The following TMEM17 variants were observed in gnomAD, a reference collection of about 807,000 sequenced individuals.
TMEM17 encodes the protein transmembrane protein 17.
TMEM17 carries 15 observed loss-of-function variants against 19.1 expected under a neutral mutation model. The ratio of observed to expected loss-of-function variants is 0.78; its 90% CI spans 0.52 to 1.21. The LOEUF (loss-of-function observed/expected upper bound fraction) is 1.21. TMEM17 is among the 50% of genes most tolerant of loss of function. TMEM17 has a pLI of 0.00. For synonymous variants in TMEM17, 103 were observed against 86.9 expected (o/e 1.19, Z -1.03); for missense variants, 245 against 242.3 (o/e 1.01, Z -0.07).
downstream of TMEM17, among the ~76,000 whole-genome samples, chr2:62,497,623 C>T (rs1288349607): frequency 6.6e-6 from 1 of 152,188 alleles, no homozygotes; most frequent in African/African-American, 2.4e-5. Flanking sequence ...CCTATAGGGC[C>T]CCACCACACT....
chr2:62,475,019 A>G, the TMEM17 span, among the ~76,000 whole-genome samples: 5 of 152,238 alleles, frequency 3.3e-5, no homozygotes, highest in African/African-American at 1.2e-4. Context: ...ATCAGCACCC[A>G]GGTCCTATCT....
the TMEM17 span, among the ~76,000 whole-genome samples, chr2:62,466,308 G>A: frequency 1.3e-5 from 2 of 152,162 alleles, no homozygotes; most frequent in South Asian, 4.1e-4. Flanking sequence ...CTTCCTGCAG[G>A]GGCCCCTGGA....
rs1168008475 is a variant in TMEM17 at position 62,501,320 on chromosome 2, T to C, written c.486A>G (p.Leu162=). The change falls in exon 4 of 4, where the codon TTA becomes TTG. Residue 162 remains leucine (L), a synonymous_variant. Transcript: ENST00000335390. ...CTGCCAACTGATTAACCATTTTCCTTAAGGTAAGAAATGCTGCAACAACTT... is the reference window on the plus strand; with the variant it reads ...CTGCCAACTGATTAACCATTTTCCTCAAGGTAAGAAATGCTGCAACAACTT... The part of the protein sequence containing the change: ...AFQVVAAFLT[L]RKMVNQLAVR... The C allele has an allele frequency of 6.2e-7, 1 of 1,614,222 alleles. No homozygotes were observed. The highest frequency in any genetic ancestry group is 1.7e-5 in the Admixed American group (1 of 60,020).
At chr2:62,459,409 G>A in the TMEM17 span, among the ~76,000 whole-genome samples, 16,935 of 152,264 alleles carry the variant, frequency 0.11, 1,173 homozygotes, top group East Asian at 0.2. Flanking sequence ...CCTCAGGTTG[G>A]CCTGGGTCAT....
the TMEM17 span, among the ~76,000 whole-genome samples, chr2:62,485,679 T>C: frequency 6.6e-6 from 1 of 152,216 alleles, no homozygotes; most frequent in African/African-American, 2.4e-5. Flanking sequence ...ATGTATCCTT[T>C]TAGCAGTTTT....
chr2:62,485,786 C>A, the TMEM17 span, among the ~76,000 whole-genome samples: 2 of 152,286 alleles, frequency 1.3e-5, no homozygotes, highest in South Asian at 4.1e-4. Flanking sequence ...TCTTTGGCAC[C>A]GCTGAATTAT....
the TMEM17 span, among the ~76,000 whole-genome samples, chr2:62,460,364 A>C: frequency 6.6e-6 from 1 of 152,198 alleles, no homozygotes; most frequent in Non-Finnish European, 1.5e-5. Context: ...TGCCCACCCA[A>C]GCGTGGCTGC....
the TMEM17 span, among the ~76,000 whole-genome samples, chr2:62,460,756 T>A: frequency 6.6e-6 from 1 of 152,200 alleles, no homozygotes; most frequent in African/African-American, 2.4e-5. Flanking sequence ...GCTGCACATG[T>A]CCCCTCCTTA....
At chr2:62,471,643 C>T in the TMEM17 span, among the ~76,000 whole-genome samples, 3 of 152,152 alleles carry the variant, frequency 2.0e-5, no homozygotes, top group Admixed American at 1.3e-4. Context: ...ATGCACCTAT[C>T]CTGAAGGAGT....
At chr2:62,483,438 GTCCT>G in the TMEM17 span, among the ~76,000 whole-genome samples, 1 of 152,186 alleles carries the variant, frequency 6.6e-6, no homozygotes, top group African/African-American at 2.4e-5. Context: ...TCATGCAGCA[GTCCT>G]TCCTTATTTA....
At chr2:62,470,436 C>A in the TMEM17 span, among the ~76,000 whole-genome samples, 1,851 of 152,344 alleles carry the variant, frequency 0.012, 37 homozygotes, top group African/African-American at 0.042. Flanking sequence ...TGTGGCTGCC[C>A]TCAGAGGGAT....
At chr2:62,455,732 A>G in the TMEM17 span, among the ~76,000 whole-genome samples, 1 of 152,254 alleles carries the variant, frequency 6.6e-6, no homozygotes, top group Non-Finnish European at 1.5e-5. Flanking sequence ...GCACCACTGC[A>G]CGCCAGCCTG....
the TMEM17 span, among the ~76,000 whole-genome samples, chr2:62,479,801 C>T: frequency 1.3e-5 from 2 of 148,298 alleles, no homozygotes; most frequent in Admixed American, 6.8e-5. Context: ...GTAGGAGTAT[C>T]GCTTGAGCAC....
the TMEM17 span, among the ~76,000 whole-genome samples, chr2:62,471,883 C>T: frequency 3.9e-4 from 59 of 152,332 alleles, no homozygotes; most frequent in Middle Eastern, 0.014. Flanking sequence ...TGACTATAGT[C>T]GTCTATGGTG....
At chr2:62,467,918 T>A in the TMEM17 span, among the ~76,000 whole-genome samples, 1 of 147,776 alleles carries the variant, frequency 6.8e-6, no homozygotes, top group African/African-American at 2.5e-5. Context: ...AGAAAACAGA[T>A]GCGAATTGTG....
the TMEM17 span, among the ~76,000 whole-genome samples, chr2:62,487,690 C>T: frequency 1.3e-5 from 2 of 152,350 alleles, no homozygotes; most frequent in African/African-American, 4.8e-5. Context: ...ACAGGCCCCA[C>T]TCCAAGTTTA....
At chr2:62,466,934 G>A in the TMEM17 span, among the ~76,000 whole-genome samples, 1 of 152,158 alleles carries the variant, frequency 6.6e-6, no homozygotes, top group African/African-American at 2.4e-5. Flanking sequence ...CTCCTTTTTC[G>A]AAACACTAAT....
the TMEM17 span, among the ~76,000 whole-genome samples, chr2:62,467,525 T>C: frequency 1.3e-5 from 2 of 152,224 alleles, no homozygotes; most frequent in Non-Finnish European, 2.9e-5. Flanking sequence ...CTCATAGAGA[T>C]AGAGTGGGCT....
chr2:62,488,194 T>C, the TMEM17 span, among the ~76,000 whole-genome samples: 1 of 152,182 alleles, frequency 6.6e-6, no homozygotes, highest in South Asian at 2.1e-4. Context: ...GGAATTCGTC[T>C]CGAGCTTTGT....
Sources: gnomAD v4.1 joint callset for allele counts (sites outside exome capture counted in the v4.1 genomes callset) on GRCh38, gnomAD v4.1.1 for gene constraint, MANE v1.5 for transcripts, NCBI Gene and HGNC (gene_info 2026-07-23, HGNC 2026-07-21) for gene names.